The following ROBO1 variants were observed in gnomAD, a reference collection of about 807,000 sequenced individuals.
ROBO1 encodes roundabout guidance receptor 1.
Under a neutral mutation model 195.9 loss-of-function variants are expected in ROBO1, and 149 were observed. The ratio of observed to expected loss-of-function variants is 0.76; its 90% CI spans 0.67 to 0.87. The LOEUF (loss-of-function observed/expected upper bound fraction) is 0.87, where lower values mean the gene tolerates loss of function less well. Among genes scored for constraint, ROBO1 ranks in the 40% least tolerant of loss-of-function variants. The probability of loss-of-function intolerance (pLI) is 0.00; values close to 1 mark genes in which losing one functional copy is unlikely to be tolerated. For synonymous variants in ROBO1, 816 were observed against 733.2 expected (o/e 1.11, Z -1.82); for missense variants, 1,933 against 2,068.3 (o/e 0.93, Z 1.27).
intron 4 of ROBO1, among the ~76,000 whole-genome samples, chr3:78,756,427 G>A (rs2082933767): frequency 6.6e-6 from 1 of 152,090 alleles, no homozygotes; most frequent in South Asian, 2.1e-4. Flanking sequence ...TGCACAAAAA[G>A]TTCACAGCAT....
chr3:79,700,545 G>T (rs1341362328), intron 1 of ROBO1, among the ~76,000 whole-genome samples: 1 of 151,574 alleles, frequency 6.6e-6, no homozygotes, highest in Non-Finnish European at 1.5e-5. Context: ...ATCTGTTGTT[G>T]TTTGGCTTTT....
intron 2 of ROBO1, among the ~76,000 whole-genome samples, chr3:79,333,221 C>G (rs935568787): frequency 6.9e-6 from 1 of 145,620 alleles, no homozygotes; most frequent in Non-Finnish European, 1.5e-5. Context: ...AAAAAAAAAA[C>G]AGAAAAGAAA....
chr3:78,729,710 A>G (rs2082244128), intron 5 of ROBO1, among the ~76,000 whole-genome samples: 12 of 152,210 alleles, frequency 7.9e-5, no homozygotes, highest in Admixed American at 7.9e-4. Context: ...AGTGAATCCT[A>G]TAAAAGGAGG....
At chr3:79,147,402 T>C (rs1051482957) in intron 2 of ROBO1, among the ~76,000 whole-genome samples, 37 of 151,918 alleles carry the variant, frequency 2.4e-4, no homozygotes, top group Non-Finnish European at 4.6e-4. Context: ...TTTTAGTAAA[T>C]GAATCATTTC....
intron 2 of ROBO1, among the ~76,000 whole-genome samples, chr3:79,201,091 T>C (rs997819948): frequency 6.6e-6 from 1 of 151,962 alleles, no homozygotes; most frequent in Non-Finnish European, 1.5e-5. Context: ...TACTTATTCT[T>C]CTCATCCTCA....
chr3:79,164,339 A>G (rs942102057), intron 2 of ROBO1, among the ~76,000 whole-genome samples: 9 of 152,180 alleles, frequency 5.9e-5, no homozygotes, highest in African/African-American at 2.2e-4. Context: ...TGAGAAGGAA[A>G]TCTATCAGAA....
chr3:78,843,128 A>AT (rs1311103152), intron 4 of ROBO1, among the ~76,000 whole-genome samples: 2 of 152,108 alleles, frequency 1.3e-5, no homozygotes, highest in African/African-American at 4.8e-5. Context: ...ATCTGGAAGA[A>AT]TTTTTTTAAA....
intron 2 of ROBO1, among the ~76,000 whole-genome samples, chr3:79,210,269 T>C (rs931292912): frequency 6.6e-6 from 1 of 152,178 alleles, no homozygotes; most frequent in Non-Finnish European, 1.5e-5. Flanking sequence ...CTTCAAATTA[T>C]ACTACAAGGC....
chr3:79,479,625 A>C (rs1938732478), intron 2 of ROBO1, among the ~76,000 whole-genome samples: 1 of 152,172 alleles, frequency 6.6e-6, no homozygotes. Flanking sequence ...TTGGAAAGTT[A>C]CCTTACCATG....
chr3:79,293,635 G>T (rs2032395106), intron 2 of ROBO1, among the ~76,000 whole-genome samples: 1 of 152,108 alleles, frequency 6.6e-6, no homozygotes, highest in African/African-American at 2.4e-5. Context: ...CAGAGGACAT[G>T]AACAAATGGA....
chr3:78,948,221 T>C lies in ROBO1; in HGVS notation c.173-9294A>G, dbSNP rs537359652. Among the ~76,000 whole-genome samples the C allele has an allele frequency of 2.1e-4, 32 of 150,090 alleles. 1 individual carries two copies. The highest frequency in any genetic ancestry group is 7.5e-4 in the African/African-American group (31 of 41,286). On this transcript the variant is annotated intron_variant, in intron 3 of 30. Transcript: ENST00000464233. ...CAAAGCATGGCAGAGACACAACCAA[T>C]TTTAGACCAATATCTTTGATGAACA... is the stretch of plus-strand genomic sequence containing the variant.
intron 2 of ROBO1, among the ~76,000 whole-genome samples, chr3:79,334,324 ATATATATGTGTATATATATG>A (rs1252257480): frequency 4.1e-5 from 6 of 145,554 alleles, no homozygotes; most frequent in Non-Finnish European, 6.0e-5. Flanking sequence ...ATATATATAT[ATATATATGTGTATATATATG>A]TATATATGTA....
chr3:79,279,215 G>A (rs541076790), intron 2 of ROBO1, among the ~76,000 whole-genome samples: 1 of 151,220 alleles, frequency 6.6e-6, no homozygotes, highest in Non-Finnish European at 1.5e-5. Context: ...GCAGTGAGCC[G>A]AGATCACACC....
chr3:79,293,253 A>G (rs534127247), intron 2 of ROBO1, among the ~76,000 whole-genome samples: 1 of 152,052 alleles, frequency 6.6e-6, no homozygotes, highest in Non-Finnish European at 1.5e-5. Flanking sequence ...TATTGTGTCT[A>G]TTTGATTCTT....
At chr3:79,402,989 G>T (rs2106795411) in intron 2 of ROBO1, among the ~76,000 whole-genome samples, 1 of 151,936 alleles carries the variant, frequency 6.6e-6, no homozygotes, top group Non-Finnish European at 1.5e-5. Flanking sequence ...TCATAGAGTA[G>T]CTACATTGCT....
chr3:78,952,421 C>T lies in ROBO1; in HGVS notation c.173-13494G>A, dbSNP rs568317661. On this transcript the variant is annotated intron_variant, in intron 3 of 30. Coordinates refer to ENST00000464233, the MANE Select transcript of ROBO1 (RefSeq NM_002941.4). ...GTTCAAACCTATATTCTTAAAAGAG[C>T]CTTGCTGCTTAACACTTTTATTTAA... Among the ~76,000 whole-genome samples, 286 of 151,098 alleles carry T rather than the reference C, an allele frequency of 1.9e-3. 1 individual carries two copies. The highest frequency in any genetic ancestry group is 6.7e-3 in the African/African-American group (278 of 41,308).
intron 3 of ROBO1, among the ~76,000 whole-genome samples, chr3:79,016,467 G>C (rs1036288563): frequency 6.6e-6 from 1 of 152,190 alleles, no homozygotes; most frequent in South Asian, 2.1e-4. Flanking sequence ...CTAAAAGCTA[G>C]AAATCAGTGT....
intron 3 of ROBO1, among the ~76,000 whole-genome samples, chr3:79,047,546 G>C (rs1329617240): frequency 6.6e-6 from 1 of 152,064 alleles, no homozygotes; most frequent in Non-Finnish European, 1.5e-5. Context: ...ATCTTAAAAA[G>C]ATCAAAGCAG....
At chr3:79,110,989 T>C (rs1255528182) in intron 3 of ROBO1, among the ~76,000 whole-genome samples, 2 of 151,984 alleles carry the variant, frequency 1.3e-5, no homozygotes, top group Admixed American at 6.6e-5. Flanking sequence ...TCATAATATA[T>C]CACTTGTGGC....
Sources: allele counts gnomAD v4.1 joint callset (sites outside exome capture counted in the v4.1 genomes callset), GRCh38; gene constraint gnomAD v4.1.1; transcripts MANE v1.5; gene names NCBI Gene and HGNC (gene_info 2026-07-23, HGNC 2026-07-21).